Variants in SUPT3H observed in about 807,000 individuals in gnomAD.
SUPT3H encodes SPT3 homolog, SAGA and STAGA complex component.
In SUPT3H, 44 loss-of-function variants were observed where a neutral mutation model predicts 44.3. The observed-to-expected ratio is 0.99, with a 90% CI of 0.78 to 1.28. The LOEUF (loss-of-function observed/expected upper bound fraction) is 1.28, where lower values mean the gene tolerates loss of function less well. SUPT3H is among the 50% of genes most tolerant of loss of function. The pLI, the probability that SUPT3H is intolerant of heterozygous loss-of-function variation, is 0.00. For missense variants in SUPT3H, 380 were observed against 387.1 expected, an observed-to-expected ratio of 0.98 and a Z score of 0.15; for synonymous variants, 124 against 125.6, an observed-to-expected ratio of 0.99 and a Z score of 0.09.
intron 9 of SUPT3H, among the ~76,000 whole-genome samples, chr6:44,949,664 T>C (rs1773968175): frequency 6.7e-6 from 1 of 148,460 alleles, no homozygotes; most frequent in Non-Finnish European, 1.5e-5. Flanking sequence ...CAGAGTAAGA[T>C]ACATAAATGG....
intron 2 of SUPT3H, among the ~76,000 whole-genome samples, chr6:45,280,124 T>C (rs1777727754): frequency 1.3e-5 from 2 of 152,268 alleles, no homozygotes; most frequent in South Asian, 4.1e-4. Context: ...AATATGTATG[T>C]CTAACACGGG....
At chr6:44,890,702 T>C (rs1282013440) in intron 10 of SUPT3H, among the ~76,000 whole-genome samples, 1 of 150,740 alleles carries the variant, frequency 6.6e-6, no homozygotes, top group East Asian at 2.0e-4. Context: ...GGCACATGTA[T>C]GCATATGTAA....
chr6:45,337,254 T>C (rs559562471), intron 2 of SUPT3H, among the ~76,000 whole-genome samples: 15 of 151,840 alleles, frequency 9.9e-5, no homozygotes, highest in African/African-American at 3.4e-4. Flanking sequence ...AATTATAATG[T>C]GTGATACTTT....
intron 10 of SUPT3H, among the ~76,000 whole-genome samples, chr6:44,927,397 GAAGAAACTTTAA>G (rs1769671458): frequency 6.6e-6 from 1 of 152,046 alleles, no homozygotes; most frequent in Non-Finnish European, 1.5e-5. Context: ...TGAGTAAACT[GAAGAAACTTTAA>G]AAGTTGAGAA....
chr6:45,032,762 T>C (rs1787135816), intron 3 of SUPT3H, among the ~76,000 whole-genome samples: 1 of 152,176 alleles, frequency 6.6e-6, no homozygotes, highest in South Asian at 2.1e-4. Flanking sequence ...TCCCTTTCCA[T>C]TGTACTGCCC....
At chr6:45,193,109 C>A (rs1815408733) in intron 2 of SUPT3H, among the ~76,000 whole-genome samples, 1 of 152,030 alleles carries the variant, frequency 6.6e-6, no homozygotes, top group Admixed American at 6.6e-5. Flanking sequence ...GTTAAGGGAC[C>A]ATGACCACCA....
chr6:45,109,165 A>G (rs928962692), intron 2 of SUPT3H, among the ~76,000 whole-genome samples: 8 of 152,178 alleles, frequency 5.3e-5, no homozygotes, highest in Non-Finnish European at 1.2e-4. Context: ...TCATTAAGAT[A>G]GTATGTTATT....
intron 11 of SUPT3H, among the ~76,000 whole-genome samples, chr6:44,816,259 A>G (rs1054963637): frequency 2.0e-5 from 3 of 152,168 alleles, no homozygotes; most frequent in African/African-American, 7.2e-5. Flanking sequence ...AGAATAAACA[A>G]ATTGCCAATC....
At chr6:45,343,562 T>C (rs1790262068) in intron 2 of SUPT3H, among the ~76,000 whole-genome samples, 1 of 152,180 alleles carries the variant, frequency 6.6e-6, no homozygotes, top group Non-Finnish European at 1.5e-5. Context: ...GAGAAGGTCC[T>C]ATGTACATAA....
intron 9 of SUPT3H, among the ~76,000 whole-genome samples, chr6:44,940,801 T>C (rs1328033710): frequency 6.6e-6 from 1 of 152,176 alleles, no homozygotes; most frequent in Non-Finnish European, 1.5e-5. Flanking sequence ...CTGATTCCTT[T>C]ATTATTATGT....
intron 11 of SUPT3H, among the ~76,000 whole-genome samples, chr6:44,810,601 T>TAA (rs5875892): frequency 0.28 from 40,274 of 145,408 alleles, 6,111 homozygotes; most frequent in Non-Finnish European, 0.35. Context: ...AGCCTTTTAC[T>TAA]AAAAAAAAAA....
chr6:45,303,671 T>TAAA (rs36119324), intron 2 of SUPT3H, among the ~76,000 whole-genome samples: 18 of 113,002 alleles, frequency 1.6e-4, no homozygotes, highest in African/African-American at 3.6e-4. Context: ...ATTCTAGAAG[T>TAAA]AAAAAAAAAA....
At chr6:44,942,673 T>A (rs1772649478) in intron 9 of SUPT3H, among the ~76,000 whole-genome samples, 1 of 152,130 alleles carries the variant, frequency 6.6e-6, no homozygotes, top group Non-Finnish European at 1.5e-5. Context: ...AAAGTGATCT[T>A]CCTATCTCAG....
chr6:45,182,685 T>C (rs773235440), intron 2 of SUPT3H, among the ~76,000 whole-genome samples: 1 of 152,244 alleles, frequency 6.6e-6, no homozygotes, highest in Non-Finnish European at 1.5e-5. Context: ...AAGTCTCTTA[T>C]CTACACAGGA....
At chr6:45,116,783 T>G (rs1800908295) in intron 2 of SUPT3H, among the ~76,000 whole-genome samples, 1 of 152,144 alleles carries the variant, frequency 6.6e-6, no homozygotes, top group African/African-American at 2.4e-5. Flanking sequence ...TCAATAACTT[T>G]TAGTAAATTT....
At chr6:45,340,181 C>T (rs1177519548) in intron 2 of SUPT3H, among the ~76,000 whole-genome samples, 1 of 152,060 alleles carries the variant, frequency 6.6e-6, no homozygotes, top group African/African-American at 2.4e-5. Flanking sequence ...AGTTATTAAA[C>T]CAATAAAATA....
At chr6:44,819,634 GA>G (rs974133110) in intron 11 of SUPT3H, among the ~76,000 whole-genome samples, 19 of 146,304 alleles carry the variant, frequency 1.3e-4, no homozygotes, top group Non-Finnish European at 2.1e-4. Flanking sequence ...TCTATAAAAA[GA>G]AAAAAAAAAT....
At chr6:45,370,582 G>A (rs889925634) in intron 1 of SUPT3H, among the ~76,000 whole-genome samples, 6 of 152,046 alleles carry the variant, frequency 3.9e-5, no homozygotes, top group African/African-American at 1.4e-4. Context: ...AAGGATATAA[G>A]GATCAACTAA....
intron 2 of SUPT3H, among the ~76,000 whole-genome samples, chr6:45,114,901 G>T (rs909950603): frequency 6.6e-6 from 1 of 152,098 alleles, no homozygotes; most frequent in Non-Finnish European, 1.5e-5. Flanking sequence ...CCATCTCAAG[G>T]TCATAAGTCC....
Sources: gnomAD v4.1 joint callset for allele counts (sites outside exome capture counted in the v4.1 genomes callset) on GRCh38, gnomAD v4.1.1 for gene constraint, MANE v1.5 for transcripts, NCBI Gene and HGNC (gene_info 2026-07-23, HGNC 2026-07-21) for gene names.